Variants in KSR1 observed in about 807,000 individuals in gnomAD.
KSR1 encodes kinase suppressor of ras 1.
A neutral mutation model predicts 92.9 loss-of-function variants in KSR1; 35 were observed. The ratio of observed to expected loss-of-function variants is 0.38; its 90% CI spans 0.29 to 0.50. The LOEUF (loss-of-function observed/expected upper bound fraction) is 0.50, where lower values mean the gene tolerates loss of function less well. Among genes scored for constraint, KSR1 ranks in the 20% least tolerant of loss-of-function variants. The pLI is 0.94. For missense variants in KSR1, 972 were observed against 1,158.5 expected, an observed-to-expected ratio of 0.84 and a Z score of 2.34; for synonymous variants, 467 against 472.6, an observed-to-expected ratio of 0.99 and a Z score of 0.15.
At chr17:27,562,317 A>G (rs141528096) in intron 2 of KSR1, among the ~76,000 whole-genome samples, 24 of 152,366 alleles carry the variant, frequency 1.6e-4, no homozygotes, top group African/African-American at 5.8e-4. Flanking sequence ...TTCAAATAAC[A>G]TTATCCAAAG....
intron 2 of KSR1, among the ~76,000 whole-genome samples, chr17:27,575,104 G>A (rs1269139545): frequency 6.6e-6 from 1 of 152,160 alleles, no homozygotes; most frequent in Non-Finnish European, 1.5e-5. Context: ...CTTGAGTCTT[G>A]CACAAAAAAG....
intron 1 of KSR1, among the ~76,000 whole-genome samples, chr17:27,509,290 C>CT (rs914131465): frequency 1.1e-4 from 16 of 147,762 alleles, no homozygotes; most frequent in East Asian, 1.0e-3. Context: ...TCAGGAGGAT[C>CT]TTTTTTTTTT....
At chr17:27,509,763 C>A (rs2069531837) in intron 1 of KSR1, among the ~76,000 whole-genome samples, 1 of 152,152 alleles carries the variant, frequency 6.6e-6, no homozygotes, top group Admixed American at 6.5e-5. Flanking sequence ...TTGCCTGAGC[C>A]CAGGAACTTG....
chr17:27,513,418 C>T (rs952371380), intron 1 of KSR1, among the ~76,000 whole-genome samples: 5 of 151,826 alleles, frequency 3.3e-5, no homozygotes, highest in Non-Finnish European at 7.4e-5. Flanking sequence ...TAGCAAGACT[C>T]CTTCTCTATA....
intron 1 of KSR1, among the ~76,000 whole-genome samples, chr17:27,489,076 C>T (rs1273515300): frequency 6.6e-6 from 1 of 152,240 alleles, no homozygotes; most frequent in Non-Finnish European, 1.5e-5. Flanking sequence ...TGGCTCTAGT[C>T]TCCTAACATG....
Position 27,550,718 on chromosome 17 carries a change from C to G in KSR1, c.372+10C>G, listed in dbSNP as rs746830924. 22 of 762,190 alleles carry G rather than the reference C, an allele frequency of 2.9e-5. 1 individual carries two copies. The South Asian group carries it at 3.0e-4, about 10-fold the overall frequency. 47.2% of individuals were successfully genotyped at this position (762,190 alleles called of 1,614,324 possible). On this transcript the variant is annotated intron_variant, in intron 2 of 20. Transcript: ENST00000644974. Reference sequence around the variant, plus strand: ...GCCGGAGGTGGTGCAGGTATGCAAGCTGGTTCTCAGCATAGGGATAGGCAT... The same window carrying G: ...GCCGGAGGTGGTGCAGGTATGCAAGGTGGTTCTCAGCATAGGGATAGGCAT...
chr17:27,494,076 G>A (rs947730883), intron 1 of KSR1, among the ~76,000 whole-genome samples: 1 of 151,982 alleles, frequency 6.6e-6, no homozygotes, highest in African/African-American at 2.4e-5. Context: ...TGGAGCAGAG[G>A]CCCAGAAATG....
At chr17:27,585,964 T>C in intron 5 of KSR1, 1 of 442,134 alleles carries the variant, frequency 2.3e-6, no homozygotes, top group Non-Finnish European at 4.1e-6. Flanking sequence ...ACCGAGACTC[T>C]CCAGCAGGGA....
chr17:27,524,846 G>T (rs370085441), intron 1 of KSR1, among the ~76,000 whole-genome samples: 1 of 152,186 alleles, frequency 6.6e-6, no homozygotes, highest in Non-Finnish European at 1.5e-5. Context: ...GGGGGCTCTG[G>T]GTTCCTGGAG....
intron 1 of KSR1, among the ~76,000 whole-genome samples, chr17:27,476,161 G>A (rs1318978538): frequency 6.6e-6 from 1 of 152,178 alleles, no homozygotes; most frequent in Non-Finnish European, 1.5e-5. Context: ...GCCCCGGGGG[G>A]ACCATGCTCA....
Position 27,591,628 on chromosome 17 carries a change from C to T in KSR1, c.1131-733C>T, listed in dbSNP as rs1256590152. 2.0e-5 allele frequency among the ~76,000 whole-genome samples: 3 copies of T among 152,208 alleles called. No individual in the cohort carries two copies. The East Asian group carries it at 5.8e-4, about 29-fold the overall frequency. ...GGGTCTTGTGCATATCAGCTGGACC[C>T]ATTACTTTCCCAGCGACTCTCCTGA... On this transcript the variant is annotated intron_variant, in intron 7 of 20. Coordinates refer to ENST00000644974, the MANE Select transcript of KSR1 (RefSeq NM_001394583.1).
At chr17:27,544,356 A>G (rs1045277954) in intron 1 of KSR1, among the ~76,000 whole-genome samples, 2 of 152,210 alleles carry the variant, frequency 1.3e-5, no homozygotes, top group African/African-American at 4.8e-5. Flanking sequence ...CCATAAAATG[A>G]TACTCTTTTT....
intron 2 of KSR1, among the ~76,000 whole-genome samples, chr17:27,564,866 T>C (rs1226997045): frequency 6.6e-6 from 1 of 151,648 alleles, no homozygotes; most frequent in Non-Finnish European, 1.5e-5. Context: ...TGTCAGAGGC[T>C]TTGCAGCTCC....
chr17:27,600,572 A>G (rs891959262), intron 10 of KSR1, among the ~76,000 whole-genome samples: 1 of 152,222 alleles, frequency 6.6e-6, no homozygotes, highest in Non-Finnish European at 1.5e-5. Context: ...CGTGCGTGCC[A>G]TCCTTTTATA....
chr17:27,574,791 T>C (rs1467621838), intron 2 of KSR1, among the ~76,000 whole-genome samples: 1 of 152,250 alleles, frequency 6.6e-6, no homozygotes, highest in Non-Finnish European at 1.5e-5. Context: ...TCAAGAACTG[T>C]GAGCTTTATA....
intron 19 of KSR1, chr17:27,620,983 C>T (rs916217810): frequency 2.9e-5 from 11 of 383,804 alleles, no homozygotes; most frequent in African/African-American, 1.7e-4. Flanking sequence ...ACTTTCTACA[C>T]GCTTGCCCCC....
intron 1 of KSR1, among the ~76,000 whole-genome samples, chr17:27,482,727 A>G (rs1220807737): frequency 6.6e-6 from 1 of 152,210 alleles, no homozygotes; most frequent in African/African-American, 2.4e-5. Flanking sequence ...TGAACCACTA[A>G]CAGGCAACAA....
intron 2 of KSR1, among the ~76,000 whole-genome samples, chr17:27,563,787 C>G (rs2071933727): frequency 1.3e-5 from 2 of 152,274 alleles, no homozygotes; most frequent in South Asian, 4.1e-4. Context: ...TTGCTGTACC[C>G]TTGTGGCTAG....
intron 6 of KSR1, among the ~76,000 whole-genome samples, chr17:27,589,143 T>A (rs1291538573): frequency 1.3e-5 from 2 of 152,160 alleles, no homozygotes; most frequent in Non-Finnish European, 2.9e-5. Context: ...CTTTGTTGGG[T>A]GGAGAGAGTA....
Sources: allele counts gnomAD v4.1 joint callset (sites outside exome capture counted in the v4.1 genomes callset), GRCh38; gene constraint gnomAD v4.1.1; transcripts MANE v1.5; gene names NCBI Gene and HGNC (gene_info 2026-07-23, HGNC 2026-07-21).